DLC1: variants seen among roughly 807,000 people sequenced by gnomAD.
DLC1 encodes the protein rho GTPase-activating protein 7.
Under a neutral mutation model 140.3 loss-of-function variants are expected in DLC1, and 54 were observed. The ratio of observed to expected loss-of-function variants is 0.38; its 90% CI spans 0.31 to 0.48. The LOEUF is 0.48. DLC1 is among the 20% of genes least tolerant of loss of function. The pLI is 0.96. For synonymous variants in DLC1, 986 were observed against 728.1 expected (o/e 1.35, Z -5.70); for missense variants, 2,536 against 1,907.0 (o/e 1.33, Z -6.14).
intron 1 of DLC1, among the ~76,000 whole-genome samples, chr8:13,580,451 C>G (rs1052895479): frequency 5.3e-5 from 8 of 152,124 alleles, no homozygotes; most frequent in African/African-American, 1.7e-4. Context: ...GAAGCTTACA[C>G]AAAGCAGCAC....
intron 5 of DLC1, among the ~76,000 whole-genome samples, chr8:13,261,049 T>C (rs900526492): frequency 6.6e-6 from 1 of 152,264 alleles, no homozygotes; most frequent in Non-Finnish European, 1.5e-5. Flanking sequence ...GGCACGTTTC[T>C]AAGCACTAGG....
At chr8:13,510,057 G>A (rs1024406306) in intron 1 of DLC1, among the ~76,000 whole-genome samples, 2 of 152,094 alleles carry the variant, frequency 1.3e-5, no homozygotes, top group Non-Finnish European at 2.9e-5. Flanking sequence ...ACTGATCTTA[G>A]CTGCAGAATC....
At position 13,499,773 on chromosome 8, in the gene DLC1, A is replaced by G. The variant is rs770839677; in HGVS notation, c.299T>C (p.Leu100Pro). 5.6e-6 allele frequency: 9 copies of G among 1,614,072 alleles called. 1 individual carries two copies. The South Asian group carries it at 8.8e-5, about 16-fold the overall frequency. Residue 100 changes from leucine to proline, a missense_variant, in exon 2 of 18, where the codon CTG becomes CCG. Leu to Pro is a moderately conservative substitution (Grantham distance 98). Coordinates refer to ENST00000276297, the MANE Select transcript of DLC1 (RefSeq NM_182643.3). Reference sequence around the variant, plus strand: ...CACTAGTGTTTCTGTGCTGGCTTCCAGAGAAAGAAACTGATCTTCACCTTC... The same window carrying G: ...CACTAGTGTTTCTGTGCTGGCTTCCGGAGAAAGAAACTGATCTTCACCTTC... ...SHEGEDQFLSLEASTETLVHV... is the reference protein window; with the variant it reads ...SHEGEDQFLSPEASTETLVHV...
chr8:13,217,379 T>C (rs1172215241), intron 5 of DLC1, among the ~76,000 whole-genome samples: 3 of 152,200 alleles, frequency 2.0e-5, no homozygotes, highest in Admixed American at 1.3e-4. Flanking sequence ...TTCTTCTCTT[T>C]GTACTAAGTT....
At chr8:13,510,357 A>T (rs1189375126) in intron 1 of DLC1, among the ~76,000 whole-genome samples, 1 of 151,940 alleles carries the variant, frequency 6.6e-6, no homozygotes, top group South Asian at 2.1e-4. Flanking sequence ...TTGTATTTTC[A>T]GGAGAGATGG....
intron 7 of DLC1, among the ~76,000 whole-genome samples, chr8:13,108,926 C>G (rs1284670998): frequency 6.6e-6 from 1 of 152,126 alleles, no homozygotes; most frequent in Non-Finnish European, 1.5e-5. Flanking sequence ...TATTACACTC[C>G]ACAGTGAAGT....
intron 5 of DLC1, among the ~76,000 whole-genome samples, chr8:13,286,934 AAG>A (rs1429854699): frequency 1.3e-5 from 2 of 152,180 alleles, no homozygotes; most frequent in African/African-American, 2.4e-5. Flanking sequence ...CTTCAAGGGA[AAG>A]AGGGGATCTG....
rs540029591 is a variant in DLC1, at chr8:13,596,335, C to T, written c.-126+8202G>A. Among the ~76,000 whole-genome samples, 22 of 152,076 alleles carry T rather than the reference C, an allele frequency of 1.4e-4. No homozygotes were observed. In the South Asian group the frequency reaches 4.4e-3, roughly 30 times the overall value. On this transcript the variant is annotated intron_variant, in intron 1 of 1. Coordinates refer to the DLC1 transcript ENST00000631382. ...GTTTAAGGAGGGAAAAGTAGCTTTT[C>T]TTGGCAGAGCCCCTCAGTCCTGTGA...
At chr8:13,292,716 A>T (rs1831804694) in intron 5 of DLC1, among the ~76,000 whole-genome samples, 1 of 152,230 alleles carries the variant, frequency 6.6e-6, no homozygotes, top group Non-Finnish European at 1.5e-5. Context: ...ATAGAATTCA[A>T]GTTAAGTCTA....
intron 5 of DLC1, among the ~76,000 whole-genome samples, chr8:13,267,381 T>C (rs2117361943): frequency 6.6e-6 from 1 of 152,154 alleles, no homozygotes; most frequent in East Asian, 1.9e-4. Context: ...TCTAGACCTC[T>C]AGGATATAGT....
chr8:13,370,040 A>G (rs1224095448), intron 4 of DLC1, among the ~76,000 whole-genome samples: 4 of 150,834 alleles, frequency 2.7e-5, no homozygotes, highest in Non-Finnish European at 5.9e-5. Context: ...GGCTTTTCCC[A>G]GAACATCTAG....
chr8:13,092,546 T>C, intron 13 of DLC1, 66 bp downstream of exon 13: 1 of 1,540,328 alleles, frequency 6.5e-7, no homozygotes, highest in Non-Finnish European at 8.8e-7. Context: ...AAACCACAGC[T>C]ACGGAGAGTC....
chr8:13,237,749 G>A (rs1020268571), intron 5 of DLC1, among the ~76,000 whole-genome samples: 3 of 152,012 alleles, frequency 2.0e-5, no homozygotes, highest in Non-Finnish European at 4.4e-5. Context: ...CTATTGTTCA[G>A]GTTTTCTAGT....
At chr8:13,246,550 G>T (rs989251094) in intron 5 of DLC1, among the ~76,000 whole-genome samples, 13 of 151,530 alleles carry the variant, frequency 8.6e-5, no homozygotes, top group African/African-American at 2.9e-4. Flanking sequence ...AATAGAATTT[G>T]ATGCTCAGAA....
chr8:13,120,320 A>T (rs1318748353), intron 5 of DLC1, among the ~76,000 whole-genome samples: 2 of 134,086 alleles, frequency 1.5e-5, no homozygotes, highest in African/African-American at 2.6e-5. Flanking sequence ...TCCAACCTGG[A>T]TGACAGAAAG....
At chr8:13,441,233 C>A (rs753138016) in intron 2 of DLC1, among the ~76,000 whole-genome samples, 1 of 152,142 alleles carries the variant, frequency 6.6e-6, no homozygotes, top group African/African-American at 2.4e-5. Context: ...CTATCTATGA[C>A]AAACCCACAG....
intron 6 of DLC1, among the ~76,000 whole-genome samples, chr8:13,114,633 G>A (rs1297133087): frequency 6.6e-6 from 1 of 152,082 alleles, no homozygotes; most frequent in Non-Finnish European, 1.5e-5. Context: ...TACAAATGGT[G>A]GGAAAGATAT....
rs1554511814 is a variant in DLC1, at chr8:13,395,034, C to CTATCTATCT, written c.1174-1342_1174-1341insAGATAGATA. Among the ~76,000 whole-genome samples the CTATCTATCT allele has an allele frequency of 9.2e-3, 1,081 of 117,508 alleles. 5 individuals are homozygous for CTATCTATCT. The highest frequency in any genetic ancestry group is 0.018 in the East Asian group (86 of 4,676). 77.1% of individuals were successfully genotyped at this position (117,508 alleles called of 152,430 possible). ...TCTATCTATCTATCTATCTATCTAT[C>CTATCTATCT]ATCTATCTATCTATCTATTAGGTAC... On this transcript the variant is annotated intron_variant, in intron 3 of 17. Coordinates refer to ENST00000276297, the MANE Select transcript of DLC1 (RefSeq NM_182643.3).
chr8:13,340,467 C>T (rs150233553), intron 4 of DLC1: 3,364 of 152,424 alleles, frequency 0.022, 59 homozygotes, highest in South Asian at 0.056. Flanking sequence ...TCCCAAAGTG[C>T]TGGGATTACA....
Sources: allele counts gnomAD v4.1 joint callset (sites outside exome capture counted in the v4.1 genomes callset), GRCh38; gene constraint gnomAD v4.1.1; transcripts MANE v1.5; gene names NCBI Gene and HGNC (gene_info 2026-07-23, HGNC 2026-07-21).